The following FLACC1 variants were observed in gnomAD, a reference collection of about 807,000 sequenced individuals.
FLACC1 encodes the protein flagellum-associated coiled-coil domain-containing protein 1.
In FLACC1, 66 loss-of-function variants were observed where a neutral mutation model predicts 62.8. The ratio of observed to expected loss-of-function variants is 1.05; its 90% CI spans 0.86 to 1.29. The LOEUF (loss-of-function observed/expected upper bound fraction) is 1.29. Ranked by LOEUF, FLACC1 falls within the 50% of genes most tolerant of loss-of-function variation. The pLI is 0.00. For missense variants in FLACC1, 452 were observed against 489.1 expected (o/e 0.92, Z 0.71); for synonymous variants, 156 against 161.0 (o/e 0.97, Z 0.24).
intron 10 of FLACC1, among the ~76,000 whole-genome samples, chr2:201,308,778 T>G (rs1243040780): frequency 6.6e-6 from 1 of 152,220 alleles, no homozygotes; most frequent in Non-Finnish European, 1.5e-5. Context: ...CCTGCCCACA[T>G]GCAAGTGAAC....
chr2:201,344,400 T>C (rs1194131433), intron 5 of FLACC1, 137 bp from the exon 6 acceptor site: 9 of 720,632 alleles, frequency 1.2e-5, no homozygotes, highest in Non-Finnish European at 1.9e-5. Flanking sequence ...GCTCTATCAT[T>C]ATGGGGTGGG....
intron 9 of FLACC1, among the ~76,000 whole-genome samples, chr2:201,315,254 A>G (rs188027513): frequency 1.4e-3 from 206 of 152,318 alleles, no homozygotes; most frequent in African/African-American, 4.7e-3. Flanking sequence ...CTTAAAAGAT[A>G]CAGAATTGCT....
Position 201,288,617 on chromosome 2 carries a change from G to T in FLACC1, c.*38C>A. 1 of 1,604,662 alleles carries T rather than the reference G, an allele frequency of 6.2e-7. No individual in the cohort carries two copies. The highest frequency in any genetic ancestry group is 8.5e-7 in the Non-Finnish European group (1 of 1,174,462). ...AGTTTCCTGGGCCTACAGAAATGGT[G>T]TGCCAACCATCTTCAACAATGCAGA... On this transcript the variant is annotated 3_prime_UTR_variant, in exon 15 of 15. Transcript: ENST00000392257.
chr2:201,336,769 T>C (rs1449428515), intron 7 of FLACC1, among the ~76,000 whole-genome samples: 1 of 152,206 alleles, frequency 6.6e-6, no homozygotes, highest in Non-Finnish European at 1.5e-5. Context: ...CCACCAACAG[T>C]ATATAAGAGT....
intron 7 of FLACC1, among the ~76,000 whole-genome samples, chr2:201,331,251 C>T (rs192362464): frequency 6.6e-6 from 1 of 152,220 alleles, no homozygotes; most frequent in African/African-American, 2.4e-5. Flanking sequence ...GGATTACAGG[C>T]GTGAGCTACC....
chr2:201,310,402 T>C lies in FLACC1; in HGVS notation c.676-1152A>G, dbSNP rs1001523824. Among the ~76,000 whole-genome samples the C allele has an allele frequency of 2.6e-5, 4 of 152,048 alleles. No individual in the cohort carries two copies. The South Asian group carries it at 8.3e-4, about 32-fold the overall frequency. On this transcript the variant is annotated intron_variant, in intron 9 of 14. Transcript: ENST00000392257. ...TCCTTGTCTGCCTGACACTTAGGGGTTTCCTGGGACTCTGGACTCTCAGTG... is the reference window on the plus strand; with the variant it reads ...TCCTTGTCTGCCTGACACTTAGGGGCTTCCTGGGACTCTGGACTCTCAGTG...
chr2:201,318,786 G>A (rs1297058640), intron 9 of FLACC1, among the ~76,000 whole-genome samples: 2 of 152,128 alleles, frequency 1.3e-5, no homozygotes, highest in South Asian at 2.1e-4. Flanking sequence ...ATGAATTAAT[G>A]GCATCAACAC....
At chr2:201,338,877 CTGT>C (rs1386050547) in intron 7 of FLACC1, among the ~76,000 whole-genome samples, 1 of 151,902 alleles carries the variant, frequency 6.6e-6, no homozygotes, top group Non-Finnish European at 1.5e-5. Flanking sequence ...TTTCTTTTTC[CTGT>C]TGTTGTATTG....
chr2:201,289,420 G>A, intron 14 of FLACC1, 37 bp downstream of exon 14: 2 of 1,591,862 alleles, frequency 1.3e-6, no homozygotes, highest in Non-Finnish European at 1.7e-6. Context: ...CACTCCTAAA[G>A]AGAACTCAGC....
intron 1 of FLACC1, 23 bp from the exon 2 acceptor site, chr2:201,351,474 G>C (rs1951028195): frequency 1.7e-6 from 2 of 1,192,650 alleles, no homozygotes; most frequent in Non-Finnish European, 2.5e-6. Context: ...AACAACAGCA[G>C]AAGGTTAAAC....
Position 201,344,192 on chromosome 2 carries a change from T to G in FLACC1, c.440A>C (p.Asp147Ala). Residue 147 changes from aspartate (D) to alanine (A), a missense_variant, in exon 6 of 15, where the codon GAC becomes GCC. By Grantham distance (126) the Asp-to-Ala change is moderately radical. Around this residue, in one of 3 missense-constraint regions of FLACC1, gnomAD observed 301 missense variants for 318.4 expected, o/e 0.95. Transcript: ENST00000392257. ...CACCAATTTCTGGGCAGACTGGTGG[T>G]CTCTGTTCATTTGTTCAATTATTGC... ...LTAIIEQMNR[D>A]HQSAQKLLSS... 6.2e-7 allele frequency: 1 copy of G among 1,613,398 alleles called. No individual in the cohort carries two copies. The highest frequency in any genetic ancestry group is 8.5e-7 in the Non-Finnish European group (1 of 1,179,506).
chr2:201,346,726 T>C lies in FLACC1; in HGVS notation c.235-51A>G. Reference sequence around the variant, plus strand: ...AAATGGCAGACTTGGAGTGCTGAGATTTTTCCAAATCTTCTCTTATTGCCT... The same window carrying C: ...AAATGGCAGACTTGGAGTGCTGAGACTTTTCCAAATCTTCTCTTATTGCCT... On this transcript the variant is annotated intron_variant, in intron 4 of 14. Transcript: ENST00000392257. The surrounding 1 kb of genome is among the most constrained non-coding windows in gnomAD (Gnocchi z 4.0). 1 of 1,608,970 alleles carries C rather than the reference T, an allele frequency of 6.2e-7. No homozygotes were observed. Among genetic ancestry groups the C allele is most frequent in the African/African-American group, 1.3e-5 (1 of 74,914 alleles).
intron 13 of FLACC1, 39 bp downstream of exon 13, chr2:201,289,657 C>T (rs370544357): frequency 2.5e-6 from 4 of 1,611,434 alleles, no homozygotes; most frequent in Non-Finnish European, 3.4e-6. Flanking sequence ...GACCTGGGTT[C>T]TTCCCCCAAC....
rs1290901028 is a variant in FLACC1, at chr2:201,351,684, C to T, written c.-47-233G>A. 3.8e-5 allele frequency: 12 copies of T among 315,204 alleles called. No homozygotes were observed. In the Admixed American group the frequency reaches 4.5e-4, roughly 12 times the overall value. 19.5% of individuals were successfully genotyped at this position (315,204 alleles called of 1,614,324 possible). On this transcript the variant is annotated intron_variant, in intron 1 of 14. Coordinates refer to ENST00000392257, the MANE Select transcript of FLACC1 (RefSeq NM_001127391.3). ...ACTGGCTGGGCATGGTGGCTCACGCCTGTAATCCCAGCACTTTGGGAGGCC... is the reference window on the plus strand; with the variant it reads ...ACTGGCTGGGCATGGTGGCTCACGCTTGTAATCCCAGCACTTTGGGAGGCC...
At chr2:201,360,171 A>G (rs187993734), upstream of FLACC1, among the ~76,000 whole-genome samples, 1 of 152,348 alleles carries the variant, frequency 6.6e-6, no homozygotes, top group African/African-American at 2.4e-5. Flanking sequence ...TTAGGGGCTA[A>G]GTGTTAAGTG....
chr2:201,303,364 C>G (rs1283192177), intron 11 of FLACC1, among the ~76,000 whole-genome samples: 2 of 152,114 alleles, frequency 1.3e-5, no homozygotes, highest in Non-Finnish European at 2.9e-5. Context: ...CATACACCCT[C>G]CCAAGACTTA....
chr2:201,289,123 G>A (rs11674814), intron 14 of FLACC1, among the ~76,000 whole-genome samples: 51,389 of 152,108 alleles, frequency 0.34, 10,177 homozygotes, highest in East Asian at 0.48. Context: ...GTAATGGCAA[G>A]ACCATCAGAC....
Position 201,326,833 on chromosome 2 carries a change from C to T in FLACC1, c.675+3637G>A, listed in dbSNP as rs1254714707. Among the ~76,000 whole-genome samples, 1 of 152,004 alleles carries T rather than the reference C, an allele frequency of 6.6e-6. No individual in the cohort carries two copies. The highest frequency in any genetic ancestry group is 1.5e-5 in the Non-Finnish European group (1 of 67,990). ...GAATTAGAAAAAAAGTTCTAAAATTCATATGGAACCAAAAAAGAGCCAGAA... is the reference window on the plus strand; with the variant it reads ...GAATTAGAAAAAAAGTTCTAAAATTTATATGGAACCAAAAAAGAGCCAGAA... On this transcript the variant is annotated intron_variant, in intron 9 of 14. Transcript: ENST00000392257. The surrounding 1 kb of genome is among the most constrained non-coding windows in gnomAD (Gnocchi z 4.1).
At chr2:201,303,046 C>A (rs1283309532) in intron 11 of FLACC1, among the ~76,000 whole-genome samples, 1 of 151,976 alleles carries the variant, frequency 6.6e-6, no homozygotes, top group Non-Finnish European at 1.5e-5. Context: ...CAAACACATT[C>A]AAAAGCTAGC....
Sources: allele counts gnomAD v4.1 joint callset (sites outside exome capture counted in the v4.1 genomes callset), GRCh38; gene constraint gnomAD v4.1.1; regional missense constraint gnomAD v4.1.1; non-coding constraint Gnocchi (gnomAD v3.1); transcripts MANE v1.5; gene names NCBI Gene and HGNC (gene_info 2026-07-23, HGNC 2026-07-21).